CDH2: variants seen among roughly 807,000 people sequenced by gnomAD.
The protein encoded by CDH2 is cadherin-2.
Under a neutral mutation model 92.0 loss-of-function variants are expected in CDH2, and 17 were observed. That is an observed-to-expected ratio of 0.18 (90% CI 0.13 to 0.28). CDH2 has a LOEUF of 0.28. Among genes scored for constraint, CDH2 ranks in the 10% least tolerant of loss-of-function variants. The probability of loss-of-function intolerance (pLI) is 1.00; values close to 1 mark genes in which losing one functional copy is unlikely to be tolerated. For synonymous variants in CDH2, 419 were observed against 415.9 expected, an observed-to-expected ratio of 1.01 and a Z score of -0.09; for missense variants, 862 against 1,133.1, an observed-to-expected ratio of 0.76 and a Z score of 3.44.
At chr18:28,030,017 A>G (rs577868612) in intron 2 of CDH2, among the ~76,000 whole-genome samples, 1 of 152,216 alleles carries the variant, frequency 6.6e-6, no homozygotes, top group Non-Finnish European at 1.5e-5. Context: ...ACATTTCTCA[A>G]TCTGTATGTA....
intron 1 of CDH2, among the ~76,000 whole-genome samples, chr18:28,156,109 G>C (rs1022695375): frequency 6.6e-6 from 1 of 152,052 alleles, no homozygotes; most frequent in African/African-American, 2.4e-5. Context: ...ACCACACTGA[G>C]GCCACACATT....
At chr18:28,148,514 A>T (rs1160408987) in intron 1 of CDH2, among the ~76,000 whole-genome samples, 1 of 152,196 alleles carries the variant, frequency 6.6e-6, no homozygotes, top group Non-Finnish European at 1.5e-5. Flanking sequence ...CCTCCAAGTT[A>T]GTTGCCCTAC....
At chr18:28,107,669 A>G (rs1311957291) in intron 2 of CDH2, among the ~76,000 whole-genome samples, 3 of 152,188 alleles carry the variant, frequency 2.0e-5, no homozygotes, top group East Asian at 3.9e-4. Flanking sequence ...AGCAGTCAAT[A>G]AAACACAGAG....
chr18:27,972,391 C>T (rs907262125), intron 14 of CDH2, among the ~76,000 whole-genome samples: 1 of 152,128 alleles, frequency 6.6e-6, no homozygotes, highest in Non-Finnish European at 1.5e-5. Context: ...AAATATCTAT[C>T]ATATGACCTC....
chr18:28,106,334 T>C (rs984247818), intron 2 of CDH2, among the ~76,000 whole-genome samples: 3 of 152,114 alleles, frequency 2.0e-5, no homozygotes, highest in African/African-American at 4.8e-5. Flanking sequence ...GGAGAATCGC[T>C]TGAACCTGGG....
At chr18:28,009,695 T>G (rs1223719792) in intron 5 of CDH2, 22 bp downstream of exon 5, 1 of 1,611,328 alleles carries the variant, frequency 6.2e-7, no homozygotes, top group Non-Finnish European at 8.5e-7. Context: ...TACACAGAAT[T>G]ATCAGCTGGT....
chr18:28,112,997 G>T (rs2015436884), intron 2 of CDH2, among the ~76,000 whole-genome samples: 1 of 152,144 alleles, frequency 6.6e-6, no homozygotes, highest in African/African-American at 2.4e-5. Context: ...TGCCAGGGGG[G>T]TAGGTAAATG....
chr18:28,157,809 G>A (rs1052046466), intron 1 of CDH2, among the ~76,000 whole-genome samples: 1 of 151,948 alleles, frequency 6.6e-6, no homozygotes, highest in Non-Finnish European at 1.5e-5. Flanking sequence ...AAGACTTCAG[G>A]TAAAACTTTT....
At chr18:28,112,141 A>G (rs1177008874) in intron 2 of CDH2, among the ~76,000 whole-genome samples, 1 of 152,194 alleles carries the variant, frequency 6.6e-6, no homozygotes, top group East Asian at 1.9e-4. Flanking sequence ...TGGAAAGTTT[A>G]GTCATCAGCA....
intron 6 of CDH2, among the ~76,000 whole-genome samples, chr18:28,003,562 C>T (rs879331735): frequency 3.3e-5 from 5 of 152,184 alleles, no homozygotes; most frequent in East Asian, 3.9e-4. Flanking sequence ...TCTTTTCTTC[C>T]GTTATGCAAT....
chr18:27,948,982 A>G (rs1055011044), downstream of CDH2, among the ~76,000 whole-genome samples: 1 of 151,944 alleles, frequency 6.6e-6, no homozygotes, highest in African/African-American at 2.4e-5. Context: ...GATCCAAATT[A>G]CCAGGAATGG....
chr18:28,010,195 G>T (rs184443203), intron 4 of CDH2, among the ~76,000 whole-genome samples: 63 of 152,234 alleles, frequency 4.1e-4, no homozygotes, highest in Non-Finnish European at 7.2e-4. Context: ...TAGGTTAGAC[G>T]ATTTAACATA....
intron 2 of CDH2, among the ~76,000 whole-genome samples, chr18:28,082,306 G>C (rs2014846386): frequency 6.6e-6 from 1 of 152,064 alleles, no homozygotes; most frequent in African/African-American, 2.4e-5. Context: ...AGTTACTCTG[G>C]AGGCTGAGGT....
intron 1 of CDH2, among the ~76,000 whole-genome samples, chr18:28,157,283 T>C (rs2016234727): frequency 6.6e-6 from 1 of 152,222 alleles, no homozygotes; most frequent in Admixed American, 6.5e-5. Context: ...GCACTTGGCA[T>C]TAGACTGTTT....
At chr18:28,158,817 ATCT>A (rs967791382) in intron 1 of CDH2, among the ~76,000 whole-genome samples, 2 of 152,212 alleles carry the variant, frequency 1.3e-5, no homozygotes, top group Non-Finnish European at 2.9e-5. Context: ...AAAGCCAGCT[ATCT>A]TCTTATTAAG....
chr18:28,044,458 C>A (rs1017444349), intron 2 of CDH2, among the ~76,000 whole-genome samples: 1 of 152,162 alleles, frequency 6.6e-6, no homozygotes, highest in Non-Finnish European at 1.5e-5. Context: ...CTGATCCATT[C>A]CCCTTTTCTA....
At chr18:27,995,230 C>T (rs183331914) in intron 7 of CDH2, among the ~76,000 whole-genome samples, 6 of 145,290 alleles carry the variant, frequency 4.1e-5, no homozygotes, top group South Asian at 2.2e-4. Context: ...AGGAAAATCA[C>T]GTGAACCCAG....
At chr18:28,032,969 TA>T (rs1335809998) in intron 2 of CDH2, among the ~76,000 whole-genome samples, 3 of 151,948 alleles carry the variant, frequency 2.0e-5, no homozygotes, top group African/African-American at 7.2e-5. Flanking sequence ...GGAAAGGGCT[TA>T]AAAATAAGTA....
intron 11 of CDH2, among the ~76,000 whole-genome samples, chr18:27,987,715 A>G (rs1409668792): frequency 1.3e-5 from 2 of 152,220 alleles, no homozygotes; most frequent in African/African-American, 4.8e-5. Context: ...TGCTTCATAT[A>G]TATGTAGAAG....
Sources: gnomAD v4.1 joint callset for allele counts (sites outside exome capture counted in the v4.1 genomes callset) on GRCh38, gnomAD v4.1.1 for gene constraint, MANE v1.5 for transcripts, NCBI Gene and HGNC (gene_info 2026-07-23, HGNC 2026-07-21) for gene names.